FLI1: variants seen among roughly 807,000 people sequenced by gnomAD.
FLI1 encodes the protein Friend leukemia integration 1 transcription factor.
In FLI1, 13 loss-of-function variants were observed where a neutral mutation model predicts 53.1. That is an observed-to-expected ratio of 0.24 (90% confidence interval 0.16 to 0.39). The LOEUF is 0.39. FLI1 is among the 10% of genes least tolerant of loss of function. The pLI is 1.00. For synonymous variants in FLI1, 244 were observed against 236.7 expected (o/e 1.03, Z -0.28); for missense variants, 424 against 600.5 (o/e 0.71, Z 3.07).
chr11:128,801,360 T>C (rs1415766331), intron 5 of FLI1, among the ~76,000 whole-genome samples: 2 of 152,212 alleles, frequency 1.3e-5, no homozygotes, highest in Non-Finnish European at 2.9e-5. Flanking sequence ...CATATCTCTG[T>C]GTGTATGTTG....
At chr11:128,796,840 T>A (rs1942459097) in intron 5 of FLI1, among the ~76,000 whole-genome samples, 1 of 152,190 alleles carries the variant, frequency 6.6e-6, no homozygotes, top group African/African-American at 2.4e-5. Flanking sequence ...CCAGGCATGG[T>A]GGCAGGCGCC....
chr11:128,766,522 G>A (rs1477656499), intron 2 of FLI1, among the ~76,000 whole-genome samples: 1 of 152,078 alleles, frequency 6.6e-6, no homozygotes, highest in Non-Finnish European at 1.5e-5. Flanking sequence ...TTATCTCCCA[G>A]CTATGATAAG....
chr11:128,760,717 G>C (rs1476450144), intron 2 of FLI1, among the ~76,000 whole-genome samples: 1 of 151,866 alleles, frequency 6.6e-6, no homozygotes, highest in African/African-American at 2.4e-5. Context: ...TAGTAGAGAC[G>C]GGGTTTTACT....
intron 1 of FLI1, among the ~76,000 whole-genome samples, chr11:128,733,179 T>A (rs1272925787): frequency 6.6e-6 from 1 of 151,776 alleles, no homozygotes; most frequent in African/African-American, 2.4e-5. Flanking sequence ...GCAAGAGGTT[T>A]TTTTTTTTCA....
At chr11:128,794,670 T>C (rs7941251) in intron 5 of FLI1, among the ~76,000 whole-genome samples, 4,705 of 152,330 alleles carry the variant, frequency 0.031, 222 homozygotes, top group African/African-American at 0.11. Context: ...TCTCATGAAA[T>C]ATCCTTGTTG....
chr11:128,717,826 G>A (rs1408578722), intron 1 of FLI1, among the ~76,000 whole-genome samples: 3 of 152,182 alleles, frequency 2.0e-5, no homozygotes, highest in African/African-American at 4.8e-5. Flanking sequence ...ACCTCTCCTG[G>A]ACTGTTGCAG....
At chr11:128,753,613 T>C (rs1467221696) in intron 1 of FLI1, among the ~76,000 whole-genome samples, 1 of 152,236 alleles carries the variant, frequency 6.6e-6, no homozygotes, top group Admixed American at 6.5e-5. Context: ...GGAAGAGTTT[T>C]AAGTTTAAAC....
chr11:128,778,279 A>G (rs1336761194), intron 4 of FLI1, among the ~76,000 whole-genome samples: 2 of 152,178 alleles, frequency 1.3e-5, no homozygotes, highest in Non-Finnish European at 2.9e-5. Context: ...GTGAGACATT[A>G]TCGTGACGTG....
intron 5 of FLI1, among the ~76,000 whole-genome samples, chr11:128,801,589 G>A (rs1167649514): frequency 6.6e-6 from 1 of 152,222 alleles, no homozygotes; most frequent in Admixed American, 6.5e-5. Context: ...GGGGACACAG[G>A]AGTGATGTAG....
intron 2 of FLI1, 45 bp from the exon 3 acceptor site, chr11:128,768,073 C>T: frequency 1.3e-6 from 2 of 1,540,178 alleles, no homozygotes. Context: ...GCAAGCTGCC[C>T]TGTCAGTGCT....
intron 3 of FLI1, among the ~76,000 whole-genome samples, chr11:128,769,881 G>A (rs675308): frequency 0.18 from 27,300 of 152,150 alleles, 2,620 homozygotes; most frequent in East Asian, 0.3. Context: ...AGCAGACAAT[G>A]AAACTGTATT....
intron 2 of FLI1, among the ~76,000 whole-genome samples, 169 bp from the exon 3 acceptor site, chr11:128,767,949 G>A (rs1404425112): frequency 6.6e-6 from 1 of 152,190 alleles, no homozygotes; most frequent in Non-Finnish European, 1.5e-5. Flanking sequence ...GAAAACTCTG[G>A]TGGCAGCATG....
rs551584087 is a variant in FLI1 at position 128,794,975 on chromosome 11, C to T, written c.656-10391C>T. On this transcript the variant is annotated intron_variant, in intron 5 of 8. Transcript: ENST00000527786. ...CCTGTGGTCCCAACTATTTGGGAGG[C>T]TTAGGCACAAGAATTGCTTGAGCCT... is the stretch of plus-strand genomic sequence containing the variant. Among the ~76,000 whole-genome samples, 7 of 152,274 alleles carry T rather than the reference C, an allele frequency of 4.6e-5. No homozygotes were observed. In the South Asian group the frequency reaches 1.5e-3, roughly 32 times the overall value.
chr11:128,686,463 G>A, upstream of FLI1: 1 of 456,408 alleles, frequency 2.2e-6, no homozygotes, highest in Non-Finnish European at 4.4e-6. Flanking sequence ...GAGGCGTAGG[G>A]AGAGTGCTCA....
At chr11:128,744,667 A>C (rs1940297721) in intron 1 of FLI1, among the ~76,000 whole-genome samples, 1 of 152,212 alleles carries the variant, frequency 6.6e-6, no homozygotes, top group Admixed American at 6.5e-5. Flanking sequence ...GAGCCCCCTC[A>C]ACCCTCACAT....
At chr11:128,724,011 G>A (rs774542237) in intron 1 of FLI1, among the ~76,000 whole-genome samples, 1 of 136,490 alleles carries the variant, frequency 7.3e-6, no homozygotes, top group Non-Finnish European at 1.5e-5. Context: ...GGCGCCATCT[G>A]GGCTCACTGT....
At chr11:128,757,181 A>G (rs1940926765) in intron 1 of FLI1, among the ~76,000 whole-genome samples, 1 of 151,618 alleles carries the variant, frequency 6.6e-6, no homozygotes, top group South Asian at 2.1e-4. Context: ...TCCTGGACTC[A>G]ATAGATTCTC....
intron 3 of FLI1, among the ~76,000 whole-genome samples, chr11:128,770,271 T>G (rs1031537620): frequency 6.6e-6 from 1 of 152,260 alleles, no homozygotes; most frequent in Admixed American, 6.5e-5. Context: ...CAAATGATTT[T>G]CAAAGCACTT....
At chr11:128,696,312 C>T (rs1054611131) in intron 1 of FLI1, among the ~76,000 whole-genome samples, 4 of 152,172 alleles carry the variant, frequency 2.6e-5, no homozygotes, top group African/African-American at 9.7e-5. Flanking sequence ...CAAGATTGAG[C>T]CTTTAGTGTG....
Sources: gnomAD v4.1 joint callset for allele counts (sites outside exome capture counted in the v4.1 genomes callset) on GRCh38, gnomAD v4.1.1 for gene constraint, MANE v1.5 for transcripts, NCBI Gene and HGNC (gene_info 2026-07-23, HGNC 2026-07-21) for gene names.